CCDC91: variants seen among roughly 807,000 people sequenced by gnomAD.
CCDC91 encodes coiled-coil domain containing 91.
In CCDC91, 48 loss-of-function variants were observed where a neutral mutation model predicts 63.2. That is an observed-to-expected ratio of 0.76 (90% CI 0.60 to 0.97). The LOEUF is 0.97. Among genes scored for constraint, CCDC91 ranks in the 50% least tolerant of loss-of-function variants. The pLI, the probability that CCDC91 is intolerant of heterozygous loss-of-function variation, is 0.00. For synonymous variants in CCDC91, 167 were observed against 165.8 expected (o/e 1.01, Z -0.06); for missense variants, 500 against 494.6 (o/e 1.01, Z -0.10).
chr12:28,276,428 C>T (rs1948230120), intron 3 of CCDC91, among the ~76,000 whole-genome samples: 1 of 151,896 alleles, frequency 6.6e-6, no homozygotes, highest in Admixed American at 6.6e-5. Flanking sequence ...TTCACAAGTG[C>T]ATGAGGAAAA....
Position 28,352,935 on chromosome 12 carries a change from C to T in CCDC91, c.577-9503C>T, listed in dbSNP as rs1943278294. 2.6e-5 allele frequency among the ~76,000 whole-genome samples: 4 copies of T among 152,186 alleles called. No homozygotes were observed. In the South Asian group the frequency reaches 8.3e-4, roughly 32 times the overall value. On this transcript the variant is annotated intron_variant, in intron 6 of 12. Transcript: ENST00000536442. ...AAACTTTGAAGCCAGTCATTGACTT[C>T]TTCCCTCTGGTTGTGAAAGTCCTGC...
chr12:28,349,846 C>T lies in CCDC91; in HGVS notation c.577-12592C>T, dbSNP rs117218444. ...ATAGACCCTCATTCCTCTGTTACAA[C>T]TGTATAGGGTCAAGCTCTGCAGAAT... On this transcript the variant is annotated intron_variant, in intron 6 of 12. Coordinates refer to ENST00000536442, the MANE Select transcript of CCDC91 (RefSeq NM_018318.5). Among the ~76,000 whole-genome samples, 14 of 152,274 alleles carry T rather than the reference C, an allele frequency of 9.2e-5. No individual in the cohort carries two copies. In the East Asian group the frequency reaches 2.7e-3, roughly 29 times the overall value.
rs77538853 is a variant in CCDC91 at position 28,361,559 on chromosome 12, C to A, written c.577-879C>A. ...ATATTTTCCATCATATTAAATATTC[C>A]TTTTGCTGTAGTCTTTATTTTTTTT... On this transcript the variant is annotated intron_variant, in intron 6 of 12. Coordinates refer to ENST00000536442, the MANE Select transcript of CCDC91 (RefSeq NM_018318.5). Among the ~76,000 whole-genome samples, 1,402 of 150,226 alleles carry A rather than the reference C, an allele frequency of 9.3e-3. 27 individuals carry two copies. Among genetic ancestry groups the A allele is most frequent in the African/African-American group, 0.032 (1,332 of 41,364 alleles).
chr12:28,257,286 G>T, intron 2 of CCDC91, 41 bp downstream of exon 2: 1 of 1,308,024 alleles, frequency 7.6e-7, no homozygotes. Flanking sequence ...TAACTTTGTG[G>T]GATTATAATG....
intron 1 of CCDC91, among the ~76,000 whole-genome samples, chr12:28,217,757 GA>G (rs569174373): frequency 1.1e-4 from 17 of 147,888 alleles, no homozygotes; most frequent in East Asian, 3.9e-4. Flanking sequence ...GTAACTACCT[GA>G]AAAAAAAAAT....
At chr12:28,333,308 T>C (rs1941657672) in intron 6 of CCDC91, among the ~76,000 whole-genome samples, 1 of 147,510 alleles carries the variant, frequency 6.8e-6, no homozygotes, top group Non-Finnish European at 1.5e-5. Flanking sequence ...GGCAGGAGAA[T>C]GGCGTGAACC....
At chr12:28,473,994 G>GTC (rs1950955410) in intron 11 of CCDC91, among the ~76,000 whole-genome samples, 1 of 151,880 alleles carries the variant, frequency 6.6e-6, no homozygotes, top group South Asian at 2.1e-4. Flanking sequence ...GTGTGTGTGT[G>GTC]TGCACGTGTG....
intron 7 of CCDC91, among the ~76,000 whole-genome samples, chr12:28,365,016 G>T (rs1944183896): frequency 6.6e-6 from 1 of 152,074 alleles, no homozygotes; most frequent in Non-Finnish European, 1.5e-5. Context: ...TAATCAATAT[G>T]CAATGAATTT....
chr12:28,545,945 AT>A (rs572389482), intron 12 of CCDC91, among the ~76,000 whole-genome samples: 785 of 152,214 alleles, frequency 5.2e-3, no homozygotes, highest in South Asian at 0.012. Context: ...GCTTCTAAAA[AT>A]TCTAAGATAT....
At chr12:28,280,468 G>T (rs1948532217) in intron 3 of CCDC91, among the ~76,000 whole-genome samples, 1 of 151,966 alleles carries the variant, frequency 6.6e-6, no homozygotes, top group African/African-American at 2.4e-5. Context: ...CATTCTGTCT[G>T]TGAGGTAATA....
rs1433814163 is a variant in CCDC91 at position 28,434,494 on chromosome 12, C to A, written c.763-15667C>A. On this transcript the variant is annotated intron_variant, in intron 8 of 12. Transcript: ENST00000536442. Reference sequence around the variant, plus strand: ...ATTGTGACATATTATTCTCTTTATACATTGTTGGATTTCATTGCTAATCCA... The same window carrying A: ...ATTGTGACATATTATTCTCTTTATAAATTGTTGGATTTCATTGCTAATCCA... Among the ~76,000 whole-genome samples, 4 of 150,550 alleles carry A rather than the reference C, an allele frequency of 2.7e-5. No homozygotes were observed. The South Asian group carries it at 8.4e-4, about 31-fold the overall frequency.
chr12:28,471,072 T>A (rs570655271), intron 11 of CCDC91, among the ~76,000 whole-genome samples: 47 of 152,282 alleles, frequency 3.1e-4, no homozygotes, highest in African/African-American at 1.1e-3. Flanking sequence ...TATGTTACTA[T>A]CTCATGAAAG....
chr12:28,461,130 A>G (rs11049632), intron 11 of CCDC91, among the ~76,000 whole-genome samples: 31,686 of 151,982 alleles, frequency 0.21, 4,334 homozygotes, highest in Non-Finnish European at 0.31. Context: ...AAAGAACAGT[A>G]AAAATACCTG....
intron 1 of CCDC91, among the ~76,000 whole-genome samples, chr12:28,233,799 T>C (rs1267466044): frequency 1.3e-5 from 2 of 152,132 alleles, no homozygotes; most frequent in African/African-American, 4.8e-5. Context: ...TAGATAAGGT[T>C]ATATAGACAT....
intron 6 of CCDC91, among the ~76,000 whole-genome samples, chr12:28,349,089 TTTG>T (rs1465341371): frequency 6.6e-6 from 1 of 152,176 alleles, no homozygotes; most frequent in Non-Finnish European, 1.5e-5. Flanking sequence ...AGCTTTATTT[TTTG>T]TTGTTCTTTG....
chr12:28,267,722 TA>T (rs1341130168), intron 3 of CCDC91, among the ~76,000 whole-genome samples: 9 of 63,816 alleles, frequency 1.4e-4, no homozygotes, highest in African/African-American at 4.7e-4. Context: ...TAATTATATA[TA>T]TTATTTATTA....
chr12:28,505,888 A>G (rs1938649538), intron 12 of CCDC91, among the ~76,000 whole-genome samples: 2 of 151,990 alleles, frequency 1.3e-5, no homozygotes, highest in Non-Finnish European at 2.9e-5. Flanking sequence ...GCAAACAGAG[A>G]TGACTGCTTA....
chr12:28,498,749 A>G (rs1952452610), intron 12 of CCDC91, among the ~76,000 whole-genome samples: 2 of 151,654 alleles, frequency 1.3e-5, no homozygotes, highest in South Asian at 4.1e-4. Flanking sequence ...TGTTTTTATC[A>G]TTCACTATTC....
At chr12:28,272,557 G>A (rs1565710204) in intron 3 of CCDC91, among the ~76,000 whole-genome samples, 2 of 151,660 alleles carry the variant, frequency 1.3e-5, no homozygotes, top group Non-Finnish European at 2.9e-5. Flanking sequence ...CTAAGGTGAT[G>A]TAAATCTGTC....
Sources: gnomAD v4.1 joint callset for allele counts (sites outside exome capture counted in the v4.1 genomes callset) on GRCh38, gnomAD v4.1.1 for gene constraint, MANE v1.5 for transcripts, NCBI Gene and HGNC (gene_info 2026-07-23, HGNC 2026-07-21) for gene names.